The following CLEC2A variants were observed in gnomAD, a reference collection of about 807,000 sequenced individuals.
The protein encoded by CLEC2A is keratinocyte-associated C-type lectin.
In CLEC2A, 19 loss-of-function variants were observed where a neutral mutation model predicts 18.6. That is an observed-to-expected ratio of 1.02 (90% CI 0.71 to 1.50). CLEC2A has a LOEUF of 1.50. Ranked by LOEUF, CLEC2A falls within the 40% of genes most tolerant of loss-of-function variation. The pLI is 0.00. For missense variants in CLEC2A, 190 were observed against 207.9 expected (o/e 0.91, Z 0.53); for synonymous variants, 74 against 64.0 (o/e 1.16, Z -0.75).
downstream of CLEC2A, among the ~76,000 whole-genome samples, chr12:9,898,218 G>A (rs1281148298): frequency 6.6e-6 from 1 of 152,112 alleles, no homozygotes; most frequent in East Asian, 1.9e-4. Context: ...TCATAGAACT[G>A]ATATTCATGA....
intron 4 of CLEC2A, among the ~76,000 whole-genome samples, chr12:9,914,721 G>A (rs774046839): frequency 2.6e-5 from 4 of 152,010 alleles, no homozygotes; most frequent in Non-Finnish European, 4.4e-5. Flanking sequence ...ACTCAAGATG[G>A]ATTAAAGACT....
the CLEC2A span, among the ~76,000 whole-genome samples, chr12:9,889,053 G>A: frequency 1.3e-5 from 2 of 152,144 alleles, no homozygotes; most frequent in African/African-American, 4.8e-5. Context: ...TACCTAACTT[G>A]CCAAATATTT....
downstream of CLEC2A, among the ~76,000 whole-genome samples, chr12:9,897,514 T>C (rs12229863): frequency 2.0e-5 from 3 of 151,506 alleles, no homozygotes; most frequent in East Asian, 3.9e-4. Context: ...CGTGGACACA[T>C]TGAAAAGTGA....
chr12:9,921,960 CAT>C (rs1863180071), intron 3 of CLEC2A, 104 bp downstream of exon 3: 1 of 994,906 alleles, frequency 1.0e-6, no homozygotes, highest in Non-Finnish European at 1.4e-6. Flanking sequence ...AGTTCAAACC[CAT>C]GTTGTTCAAG....
downstream of CLEC2A, among the ~76,000 whole-genome samples, chr12:9,911,039 AG>A (rs567280833): frequency 3.7e-4 from 57 of 152,356 alleles, no homozygotes; most frequent in African/African-American, 1.3e-3. Context: ...TGAACAAAGG[AG>A]GGTAAGAGTT....
Position 9,920,100 on chromosome 12 carries a change from G to A in CLEC2A, c.306+1966C>T, listed in dbSNP as rs560895608. Among the ~76,000 whole-genome samples, 14 of 152,322 alleles carry A rather than the reference G, an allele frequency of 9.2e-5. No individual in the cohort carries two copies. In the South Asian group the frequency reaches 2.5e-3, roughly 27 times the overall value. ...CTCCCTCTGGGAGCTGTTTCAGGGA[G>A]GTGCAATGCTGTTATTGATGGCTGG... On this transcript the variant is annotated intron_variant, in intron 3 of 4. Coordinates refer to ENST00000455827, the MANE Select transcript of CLEC2A (RefSeq NM_001130711.2).
rs145974703 is a variant in CLEC2A, at chr12:9,926,429, G to T, written c.56-86C>A. On this transcript the variant is annotated intron_variant, in intron 1 of 4. Coordinates refer to ENST00000455827, the MANE Select transcript of CLEC2A (RefSeq NM_001130711.2). Reference sequence around the variant, plus strand: ...ACTGGTGTATTCCTCTCCTATAATTGTTAATCAGGAAACCCTCAATCAAGT... The same window carrying T: ...ACTGGTGTATTCCTCTCCTATAATTTTTAATCAGGAAACCCTCAATCAAGT... The T allele has an allele frequency of 6.1e-6, 5 of 819,054 alleles. No homozygotes were observed. In the East Asian group the frequency reaches 1.1e-4, roughly 18 times the overall value. The allele number at this position is 819,054 out of a possible 1,614,324, so 50.7% of individuals were successfully genotyped here. A position where few individuals can be genotyped will look rare whatever the true frequency, so the allele number is the denominator to read the frequency against.
chr12:9,885,043 A>T, the CLEC2A span: 1 of 1,072,782 alleles, frequency 9.3e-7, no homozygotes, highest in Non-Finnish European at 1.2e-6. Flanking sequence ...GTGAGTAGTA[A>T]ATTTTTATTT....
chr12:9,905,513 C>T (rs111374688), intron 4 of CLEC2A, among the ~76,000 whole-genome samples: 228 of 152,230 alleles, frequency 1.5e-3, no homozygotes, highest in African/African-American at 5.3e-3. Context: ...AATAAGGCAA[C>T]CCATATAGTA....
chr12:9,924,583 G>C (rs1308349440), intron 2 of CLEC2A, among the ~76,000 whole-genome samples: 1 of 152,042 alleles, frequency 6.6e-6, no homozygotes, highest in Admixed American at 6.6e-5. Flanking sequence ...CATGGCTCAG[G>C]AATTAAATTC....
the CLEC2A span, among the ~76,000 whole-genome samples, chr12:9,879,154 A>G: frequency 6.6e-6 from 1 of 152,160 alleles, no homozygotes; most frequent in Non-Finnish European, 1.5e-5. Context: ...GAAATGAAAA[A>G]AAAAGAAAAG....
chr12:9,884,786 T>G, the CLEC2A span: 1 of 362,366 alleles, frequency 2.8e-6, no homozygotes, highest in South Asian at 8.1e-5. Flanking sequence ...GGTTTGGGAT[T>G]CTAGACTTTT....
chr12:9,930,960 A>G (rs1009632619), intron 1 of CLEC2A, among the ~76,000 whole-genome samples: 6 of 151,806 alleles, frequency 4.0e-5, no homozygotes, highest in Non-Finnish European at 8.8e-5. Flanking sequence ...TATAATTATT[A>G]TTTTCACTTG....
chr12:9,889,106 CT>C, the CLEC2A span, among the ~76,000 whole-genome samples: 1 of 152,164 alleles, frequency 6.6e-6, no homozygotes, highest in Non-Finnish European at 1.5e-5. Flanking sequence ...TGGCTGCAGG[CT>C]GTAGTGCGAA....
intron 2 of CLEC2A, among the ~76,000 whole-genome samples, chr12:9,922,498 G>C (rs1364896175): frequency 6.6e-6 from 1 of 152,096 alleles, no homozygotes; most frequent in Non-Finnish European, 1.5e-5. Context: ...TTAATATCCT[G>C]CCAAAAACAA....
chr12:9,922,863 ACT>A (rs1371129887), intron 2 of CLEC2A, among the ~76,000 whole-genome samples: 1 of 152,230 alleles, frequency 6.6e-6, no homozygotes, highest in Non-Finnish European at 1.5e-5. Context: ...TAAAGAGCCA[ACT>A]ATATGCTCAA....
the CLEC2A span, among the ~76,000 whole-genome samples, chr12:9,891,794 A>C: frequency 4.5e-4 from 68 of 152,288 alleles, no homozygotes; most frequent in African/African-American, 1.6e-3. Context: ...ACCTTCTTCA[A>C]ATTATACTTG....
downstream of CLEC2A, among the ~76,000 whole-genome samples, chr12:9,911,579 C>G (rs930853174): frequency 2.6e-5 from 4 of 152,184 alleles, no homozygotes; most frequent in African/African-American, 4.8e-5. Flanking sequence ...TTTAGTGACA[C>G]CTGCATTTTA....
downstream of CLEC2A, among the ~76,000 whole-genome samples, chr12:9,896,476 G>A (rs942498114): frequency 3.3e-5 from 5 of 150,538 alleles, no homozygotes; most frequent in East Asian, 3.9e-4. Context: ...AAGCAAATCC[G>A]TGCATGTAAA....
Sources: gnomAD v4.1 joint callset for allele counts (sites outside exome capture counted in the v4.1 genomes callset) on GRCh38, gnomAD v4.1.1 for gene constraint, MANE v1.5 for transcripts, NCBI Gene and HGNC (gene_info 2026-07-23, HGNC 2026-07-21) for gene names.